Variants in COMMD10 observed in about 807,000 individuals in gnomAD.
The protein encoded by COMMD10 is COMM domain-containing protein 10.
A neutral mutation model predicts 28.9 loss-of-function variants in COMMD10; 33 were observed. The observed-to-expected ratio is 1.14, with a 90% CI of 0.87 to 1.53. The LOEUF (loss-of-function observed/expected upper bound fraction) is 1.53. Among genes scored for constraint, COMMD10 ranks in the 40% most tolerant of loss-of-function variants. The pLI, the probability that COMMD10 is intolerant of heterozygous loss-of-function variation, is 0.00. For synonymous variants in COMMD10, 110 were observed against 81.7 expected (o/e 1.35, Z -1.87); for missense variants, 310 against 233.4 (o/e 1.33, Z -2.14).
At chr5:116,222,540 T>A (rs1382338) in intron 5 of COMMD10, among the ~76,000 whole-genome samples, 93,674 of 151,994 alleles carry the variant, frequency 0.62, 32,024 homozygotes, top group South Asian at 0.77. Flanking sequence ...AAGTTGACAC[T>A]ATGTTTTATG....
intron 5 of COMMD10, among the ~76,000 whole-genome samples, chr5:116,176,999 C>G (rs1561650001): frequency 6.6e-6 from 1 of 152,118 alleles, no homozygotes; most frequent in Non-Finnish European, 1.5e-5. Flanking sequence ...TCTGCTAAGG[C>G]CAGAGTTGGT....
intron 5 of COMMD10, among the ~76,000 whole-genome samples, chr5:116,227,404 T>C (rs1337869428): frequency 2.0e-5 from 3 of 152,110 alleles, no homozygotes; most frequent in South Asian, 2.1e-4. Flanking sequence ...GATATTCTTC[T>C]GATTTCCTTT....
intron 5 of COMMD10, among the ~76,000 whole-genome samples, chr5:116,172,047 A>G (rs1301789946): frequency 6.6e-6 from 1 of 152,124 alleles, no homozygotes; most frequent in Non-Finnish European, 1.5e-5. Context: ...GTCCAAAATA[A>G]GATTTTGCTT....
At chr5:116,202,094 T>A (rs559557870) in intron 5 of COMMD10, among the ~76,000 whole-genome samples, 249 of 141,934 alleles carry the variant, frequency 1.8e-3, no homozygotes, top group African/African-American at 6.1e-3. Context: ...TGTCCATGTG[T>A]TCTCATTGTT....
At chr5:116,254,683 T>C (rs1272134089) in intron 5 of COMMD10, among the ~76,000 whole-genome samples, 2 of 151,890 alleles carry the variant, frequency 1.3e-5, no homozygotes, top group Admixed American at 1.3e-4. Flanking sequence ...TAATTTCTGA[T>C]CTTTTACATT....
chr5:116,151,265 A>G (rs1233102677), intron 5 of COMMD10, among the ~76,000 whole-genome samples: 3 of 151,784 alleles, frequency 2.0e-5, no homozygotes, highest in Admixed American at 2.0e-4. Flanking sequence ...GTTTGCCAGT[A>G]TTTTATTGAG....
intron 5 of COMMD10, among the ~76,000 whole-genome samples, chr5:116,268,875 C>T (rs1043221069): frequency 1.3e-5 from 2 of 151,268 alleles, no homozygotes; most frequent in African/African-American, 4.9e-5. Flanking sequence ...CATATTCTCA[C>T]TCATAGGTGG....
rs147387194 is a variant in COMMD10 at position 116,245,865 on chromosome 5, C to T, written c.511-45652C>T. Among the ~76,000 whole-genome samples, 1,086 of 152,198 alleles carry T rather than the reference C, an allele frequency of 7.1e-3. 17 individuals carry two copies. The highest frequency in any genetic ancestry group is 0.025 in the African/African-American group (1,041 of 41,544). On this transcript the variant is annotated intron_variant, in intron 5 of 6. Transcript: ENST00000274458. ...AAATGAGAGTCTTCTATGACAAACC[C>T]ACAGCCAACATCATACTGAATGAGC...
chr5:116,134,723 G>A (rs552209376), intron 5 of COMMD10, among the ~76,000 whole-genome samples: 72 of 152,220 alleles, frequency 4.7e-4, no homozygotes, highest in African/African-American at 1.7e-3. Flanking sequence ...TGGGGTTCAC[G>A]CCATTCTCCT....
intron 4 of COMMD10, among the ~76,000 whole-genome samples, chr5:116,131,838 G>A (rs10042177): frequency 0.5 from 76,329 of 151,784 alleles, 21,767 homozygotes; most frequent in Non-Finnish European, 0.65. Flanking sequence ...AACAGAGGAG[G>A]TGACACTGGA....
At chr5:116,115,272 C>T (rs1876674) in intron 4 of COMMD10, among the ~76,000 whole-genome samples, 16,356 of 152,082 alleles carry the variant, frequency 0.11, 974 homozygotes, top group African/African-American at 0.15. Flanking sequence ...ATTGATTCTC[C>T]AGTAGGAAAG....
Position 116,169,822 on chromosome 5 carries a change from A to G in COMMD10, c.510+35644A>G, listed in dbSNP as rs559649580. ...GCTAAAAACACTCAATAAACTAGGTACTGATGGGACGTATCTCAAAATAAT... is the reference window on the plus strand; with the variant it reads ...GCTAAAAACACTCAATAAACTAGGTGCTGATGGGACGTATCTCAAAATAAT... On this transcript the variant is annotated intron_variant, in intron 5 of 6. Transcript: ENST00000274458. Among the ~76,000 whole-genome samples the G allele has an allele frequency of 2.6e-5, 4 of 152,294 alleles. No homozygotes were observed. The South Asian group carries it at 6.2e-4, about 24-fold the overall frequency.
intron 5 of COMMD10, among the ~76,000 whole-genome samples, chr5:116,238,045 A>G (rs1007687336): frequency 7.2e-5 from 11 of 152,224 alleles, no homozygotes; most frequent in Admixed American, 4.6e-4. Flanking sequence ...CTGGAAATCA[A>G]TATGGCTCAT....
At chr5:116,217,015 C>T (rs1039484770) in intron 5 of COMMD10, among the ~76,000 whole-genome samples, 1 of 151,866 alleles carries the variant, frequency 6.6e-6, no homozygotes, top group African/African-American at 2.4e-5. Context: ...TTTGAAGATA[C>T]TTTTGAGTAG....
chr5:116,169,347 A>T (rs571170818), intron 5 of COMMD10, among the ~76,000 whole-genome samples: 1 of 152,324 alleles, frequency 6.6e-6, no homozygotes, highest in South Asian at 2.1e-4. Context: ...AAATTGAGTC[A>T]ATAATTAATG....
At chr5:116,189,705 G>C (rs1748285648) in intron 5 of COMMD10, among the ~76,000 whole-genome samples, 1 of 146,066 alleles carries the variant, frequency 6.8e-6, no homozygotes, top group South Asian at 2.1e-4. Context: ...AGTTAACACT[G>C]TAAAGAGAAT....
At chr5:116,249,275 T>C (rs569011696) in intron 5 of COMMD10, among the ~76,000 whole-genome samples, 33 of 152,088 alleles carry the variant, frequency 2.2e-4, no homozygotes, top group African/African-American at 7.7e-4. Flanking sequence ...CCTCAAACAT[T>C]ATTTCAGTGA....
intron 4 of COMMD10, among the ~76,000 whole-genome samples, chr5:116,108,469 T>C (rs13357258): frequency 0.11 from 16,091 of 152,192 alleles, 950 homozygotes; most frequent in African/African-American, 0.15. Context: ...GTTCGAACTC[T>C]CTGGTGGCTT....
intron 5 of COMMD10, among the ~76,000 whole-genome samples, chr5:116,266,594 T>C (rs1489350921): frequency 6.6e-6 from 1 of 151,800 alleles, no homozygotes; most frequent in East Asian, 1.9e-4. Flanking sequence ...AACCTGTCAA[T>C]ATTTAAAGTA....
Sources: allele counts gnomAD v4.1 joint callset (sites outside exome capture counted in the v4.1 genomes callset), GRCh38; gene constraint gnomAD v4.1.1; transcripts MANE v1.5; gene names NCBI Gene and HGNC (gene_info 2026-07-23, HGNC 2026-07-21).